CNTN4: variants seen among roughly 807,000 people sequenced by gnomAD.
CNTN4 encodes contactin-4.
A neutral mutation model predicts 122.5 loss-of-function variants in CNTN4; 77 were observed. That is an observed-to-expected ratio of 0.63 (90% CI 0.52 to 0.76). The LOEUF (loss-of-function observed/expected upper bound fraction) is 0.76, where lower values mean the gene tolerates loss of function less well. Ranked by LOEUF, CNTN4 falls within the 30% of genes least tolerant of loss-of-function variation. The probability of loss-of-function intolerance (pLI) is 0.00; values close to 1 mark genes in which losing one functional copy is unlikely to be tolerated. For missense variants in CNTN4, 1,256 were observed against 1,259.1 expected (o/e 1.00, Z 0.04); for synonymous variants, 512 against 447.0 (o/e 1.15, Z -1.83).
chr3:2,130,312 A>AT (rs2034391049), intron 2 of CNTN4, among the ~76,000 whole-genome samples: 1 of 152,212 alleles, frequency 6.6e-6, no homozygotes, highest in African/African-American at 2.4e-5. Context: ...AACTGACACT[A>AT]TAAGCAGGAG....
At chr3:3,013,113 T>C (rs1697399383) in intron 14 of CNTN4, among the ~76,000 whole-genome samples, 1 of 152,150 alleles carries the variant, frequency 6.6e-6, no homozygotes, top group South Asian at 2.1e-4. Flanking sequence ...TAGTATCTCA[T>C]ACTCTGTAGC....
intron 2 of CNTN4, among the ~76,000 whole-genome samples, chr3:2,122,368 C>T (rs1416788331): frequency 3.9e-5 from 6 of 152,014 alleles, no homozygotes; most frequent in Admixed American, 2.0e-4. Flanking sequence ...TTAAAAAAAT[C>T]TGAATGCTTA....
chr3:2,528,820 T>C (rs561684121), intron 3 of CNTN4, among the ~76,000 whole-genome samples: 3 of 152,188 alleles, frequency 2.0e-5, no homozygotes, highest in South Asian at 2.1e-4. Flanking sequence ...ATTTCTTGAT[T>C]TTTTTCACTG....
At chr3:2,432,464 G>GC (rs1474678249) in intron 3 of CNTN4, among the ~76,000 whole-genome samples, 1 of 152,098 alleles carries the variant, frequency 6.6e-6, no homozygotes. Context: ...TATTTTAGTT[G>GC]TTTTTTTCAG....
At chr3:2,828,930 G>C (rs546313845) in intron 7 of CNTN4, among the ~76,000 whole-genome samples, 1 of 151,944 alleles carries the variant, frequency 6.6e-6, no homozygotes, top group African/African-American at 2.4e-5. Flanking sequence ...TTAGAGATGG[G>C]GTCTTGTTTT....
chr3:2,485,557 G>A (rs544004489), intron 3 of CNTN4, among the ~76,000 whole-genome samples: 3 of 151,912 alleles, frequency 2.0e-5, no homozygotes, highest in East Asian at 1.9e-4. Flanking sequence ...TACACCCATC[G>A]GCACTCTGTG....
chr3:2,754,572 A>G (rs942632279), intron 6 of CNTN4, among the ~76,000 whole-genome samples: 1 of 152,118 alleles, frequency 6.6e-6, no homozygotes, highest in Non-Finnish European at 1.5e-5. Context: ...CCCTCTGAGC[A>G]TGTGTTAAGG....
At chr3:2,526,647 G>A (rs1402370375) in intron 3 of CNTN4, among the ~76,000 whole-genome samples, 1 of 151,976 alleles carries the variant, frequency 6.6e-6, no homozygotes, top group Non-Finnish European at 1.5e-5. Flanking sequence ...GTACTTTTTT[G>A]AAATGGTGAC....
intron 2 of CNTN4, among the ~76,000 whole-genome samples, chr3:2,162,190 A>C (rs1176111527): frequency 6.6e-6 from 1 of 152,118 alleles, no homozygotes; most frequent in Non-Finnish European, 1.5e-5. Flanking sequence ...TATGATTTCA[A>C]CTGTGTTTGT....
chr3:2,755,688 G>C (rs2090303823), intron 6 of CNTN4, among the ~76,000 whole-genome samples: 1 of 152,122 alleles, frequency 6.6e-6, no homozygotes, highest in Admixed American at 6.5e-5. Flanking sequence ...CCAGTTTGGG[G>C]ACTGATAAAA....
At chr3:2,693,124 T>A (rs532586937) in intron 4 of CNTN4, among the ~76,000 whole-genome samples, 1 of 152,304 alleles carries the variant, frequency 6.6e-6, no homozygotes, top group African/African-American at 2.4e-5. Context: ...TATCCATATG[T>A]CTTCCTAAAT....
intron 4 of CNTN4, among the ~76,000 whole-genome samples, chr3:2,710,102 AT>A (rs1180844398): frequency 6.6e-6 from 1 of 152,210 alleles, no homozygotes; most frequent in Non-Finnish European, 1.5e-5. Flanking sequence ...CAGTTAGTAA[AT>A]ACAGAACATG....
At chr3:2,550,127 T>C (rs1224698958) in intron 3 of CNTN4, among the ~76,000 whole-genome samples, 4 of 152,182 alleles carry the variant, frequency 2.6e-5, no homozygotes. Context: ...TTATCTATTT[T>C]GTCAATCTTT....
At chr3:2,224,877 G>A (rs557148579) in intron 2 of CNTN4, among the ~76,000 whole-genome samples, 8 of 152,284 alleles carry the variant, frequency 5.3e-5, no homozygotes, top group East Asian at 1.9e-4. Flanking sequence ...TGGGTCGGGC[G>A]CGGTGGCTCA....
chr3:2,476,121 C>T (rs945406793), intron 3 of CNTN4, among the ~76,000 whole-genome samples: 1 of 152,178 alleles, frequency 6.6e-6, no homozygotes, highest in African/African-American at 2.4e-5. Flanking sequence ...GGCCAGAGGA[C>T]TCCTTTAGGG....
intron 3 of CNTN4, among the ~76,000 whole-genome samples, chr3:2,522,840 C>T (rs1454603086): frequency 6.6e-6 from 1 of 151,944 alleles, no homozygotes; most frequent in Non-Finnish European, 1.5e-5. Flanking sequence ...GGAATTCTTT[C>T]TTGAGTGTCT....
chr3:2,529,614 A>G (rs933706801), intron 3 of CNTN4, among the ~76,000 whole-genome samples: 13 of 152,306 alleles, frequency 8.5e-5, no homozygotes, highest in African/African-American at 2.6e-4. Context: ...CTATCTGTCA[A>G]GAAATCAACA....
intron 3 of CNTN4, among the ~76,000 whole-genome samples, chr3:2,462,746 T>C (rs1057099126): frequency 3.3e-5 from 5 of 152,214 alleles, no homozygotes; most frequent in Admixed American, 2.0e-4. Context: ...TCTTCAACTG[T>C]GTGAATCTTA....
At chr3:2,190,847 C>A (rs912768299) in intron 2 of CNTN4, among the ~76,000 whole-genome samples, 7 of 149,248 alleles carry the variant, frequency 4.7e-5, no homozygotes, top group Non-Finnish European at 8.9e-5. Context: ...CACACACACA[C>A]ATAAATATAT....
Sources: gnomAD v4.1 joint callset for allele counts (sites outside exome capture counted in the v4.1 genomes callset) on GRCh38, gnomAD v4.1.1 for gene constraint, MANE v1.5 for transcripts, NCBI Gene and HGNC (gene_info 2026-07-23, HGNC 2026-07-21) for gene names.